CD163: variants seen among roughly 807,000 people sequenced by gnomAD.
CD163 encodes scavenger receptor cysteine-rich type 1 protein M130.
Under a neutral mutation model 129.2 loss-of-function variants are expected in CD163, and 64 were observed. The ratio of observed to expected loss-of-function variants is 0.50; its 90% CI spans 0.41 to 0.61. The LOEUF is 0.61. Ranked by LOEUF, CD163 falls within the 20% of genes least tolerant of loss-of-function variation. The probability of loss-of-function intolerance (pLI) is 0.00; values close to 1 mark genes in which losing one functional copy is unlikely to be tolerated. For synonymous variants in CD163, 446 were observed against 478.5 expected, an observed-to-expected ratio of 0.93 and a Z score of 0.89; for missense variants, 1,061 against 1,377.9, an observed-to-expected ratio of 0.77 and a Z score of 3.64.
Position 7,487,622 on chromosome 12 carries a change from A to G in CD163, c.1787T>C (p.Val596Ala), listed in dbSNP as rs1565402840. ...VNGKTPCEGR[V>A]ELKTLGAWGS... ...CCAGGCACCAAGCGTTTTGAGCTCCACTCTGCCCTCACACGGGGTCTTGCC... is the reference window on the plus strand; with the variant it reads ...CCAGGCACCAAGCGTTTTGAGCTCCGCTCTGCCCTCACACGGGGTCTTGCC... Residue 596 changes from valine (V) to alanine (A), a missense_variant, in exon 8 of 17, where the codon GTG becomes GCG. Physicochemically the swap from Val to Ala is moderately conservative, Grantham distance 64. Coordinates refer to ENST00000432237, the MANE Select transcript of CD163 (RefSeq NM_203416.4). The surrounding 1 kb of genome is among the most constrained non-coding windows in gnomAD (Gnocchi z 5.1). 6.2e-7 allele frequency: 1 copy of G among 1,613,728 alleles called. No homozygotes were observed. Among genetic ancestry groups the G allele is most frequent in the Non-Finnish European group, 8.5e-7 (1 of 1,179,946 alleles).
chr12:7,483,096 C>A (rs2136698433), intron 12 of CD163, 92 bp from the exon 13 acceptor site: 1 of 1,251,966 alleles, frequency 8.0e-7, no homozygotes, highest in South Asian at 1.3e-5. Context: ...TAGTACCTCT[C>A]AACCAAGTAT....
chr12:7,483,295 C>A, intron 12 of CD163, 72 bp downstream of exon 12: 1 of 1,430,878 alleles, frequency 7.0e-7, no homozygotes. Flanking sequence ...GGTTTTTACA[C>A]AACACACATC....
chr12:7,495,431 GATACA>G lies in CD163; in HGVS notation c.1100-35_1100-31del, dbSNP rs748931276. On this transcript the variant is annotated intron_variant, in intron 5 of 16. Coordinates refer to ENST00000432237, the MANE Select transcript of CD163 (RefSeq NM_203416.4). Reference sequence around the variant, plus strand: ...AAAAGAAACATAAACTTAAACCATCGATACATATGGAGGTTAGCTTCCAGAGGATT... The same window carrying G: ...AAAAGAAACATAAACTTAAACCATCGTATGGAGGTTAGCTTCCAGAGGATT... 5 of 1,595,826 alleles carry G rather than the reference GATACA, an allele frequency of 3.1e-6. No homozygotes were observed. In the East Asian group the frequency reaches 1.1e-4, roughly 36 times the overall value.
At chr12:7,482,127 A>G (rs553970198) in intron 14 of CD163, among the ~76,000 whole-genome samples, 1 of 152,304 alleles carries the variant, frequency 6.6e-6, no homozygotes, top group East Asian at 1.9e-4. Flanking sequence ...TTTATTGTCC[A>G]TGTCTGTATC....
At position 7,483,602 on chromosome 12, in the gene CD163, C is replaced by T; in HGVS notation, c.2853G>A (p.Gly951=). 6.2e-7 allele frequency: 1 copy of T among 1,613,100 alleles called. No individual in the cohort carries two copies. The highest frequency in any genetic ancestry group is 8.5e-7 in the Non-Finnish European group (1 of 1,179,754). The change falls in exon 12 of 17, where the codon GGG becomes GGA. Residue 951 remains glycine (G), a synonymous_variant. Coordinates refer to ENST00000432237, the MANE Select transcript of CD163 (RefSeq NM_203416.4). ...RVEIWHGGSW[G]TVCDDSWDLD... is the part of the protein sequence containing the mutation. The stretch of plus-strand genomic sequence containing the variant: ...AGTCCCAAGAGTCATCACACACTGT[C>T]CCCCAGGAACCTCCATGCCAGATCT...
chr12:7,498,842 T>C (rs765007083), intron 4 of CD163, 26 bp downstream of exon 4: 12 of 1,597,356 alleles, frequency 7.5e-6, no homozygotes, highest in East Asian at 2.2e-5. Flanking sequence ...TCCTGGAGAA[T>C]AGAATGAGCC....
At position 7,483,670 on chromosome 12, in the gene CD163, T is replaced by C. The variant is rs1949195754; in HGVS notation, c.2785A>G (p.Ile929Val). 4 of 1,603,922 alleles carry C rather than the reference T, an allele frequency of 2.5e-6. No individual in the cohort carries two copies. Among genetic ancestry groups the C allele is most frequent in the Non-Finnish European group, 3.4e-6 (4 of 1,173,628 alleles). ...EETWITCDNKIRLQEGPTSCS... is the reference protein window; with the variant it reads ...EETWITCDNKVRLQEGPTSCS... ...GAAGTGGGTCCTTCCTGAAGTCTTA[T>C]CTTGTCTGAAAAATCAGAGACATGT... Residue 929 changes from isoleucine to valine, a missense_variant, in exon 12 of 17, where the codon ATA becomes GTA. Ile to Val is a conservative substitution (Grantham distance 29). Coordinates refer to ENST00000432237, the MANE Select transcript of CD163 (RefSeq NM_203416.4).
chr12:7,490,557 A>G (rs1949313594), intron 6 of CD163, among the ~76,000 whole-genome samples: 1 of 152,026 alleles, frequency 6.6e-6, no homozygotes, highest in Non-Finnish European at 1.5e-5. Flanking sequence ...TAAGTCCTTT[A>G]TAGATACCTG....
rs1949272840 is a variant in CD163 at position 7,487,654 on chromosome 12, C to T, written c.1755G>A (p.Leu585=). Residue 585 remains leucine, a synonymous_variant, in exon 8 of 17, where the codon TTG becomes TTA. Transcript: ENST00000432237. The surrounding 1 kb of genome is among the most constrained non-coding windows in gnomAD (Gnocchi z 5.1). ...VVCSRYTEIR[L]VNGKTPCEGR... ...CCTCACACGGGGTCTTGCCATTCAC[C>T]AAGCGAATTTCTGTGTATCCTGGAA... is the stretch of plus-strand genomic sequence containing the variant. 6 of 1,614,140 alleles carry T rather than the reference C, an allele frequency of 3.7e-6. No homozygotes were observed. The highest frequency in any genetic ancestry group is 3.3e-4 in the Middle Eastern group (2 of 6,062).
At chr12:7,503,326 ACTCT>A (rs1338425705) in intron 1 of CD163, among the ~76,000 whole-genome samples, 1 of 152,168 alleles carries the variant, frequency 6.6e-6, no homozygotes, top group South Asian at 2.1e-4. Context: ...TATGTAATTA[ACTCT>A]CTATCAATAT....
Position 7,501,392 on chromosome 12 carries a change from G to C in CD163, c.204C>G (p.Val68=). ...TACACACCGTTCCCCACTCCTCCTG[G>C]ACTTTCACTTCCACTCTCCCGCTAC... ...NKCSGRVEVK[V]QEEWGTVCNN... is the part of the protein sequence containing the mutation. Residue 68 remains valine, a synonymous_variant, in exon 3 of 17, where the codon GTC becomes GTG. Transcript: ENST00000432237. 1 of 1,613,872 alleles carries C rather than the reference G, an allele frequency of 6.2e-7. No individual in the cohort carries two copies. The highest frequency in any genetic ancestry group is 8.5e-7 in the Non-Finnish European group (1 of 1,179,950).
chr12:7,493,632 A>T (rs186485351), intron 6 of CD163, among the ~76,000 whole-genome samples: 26 of 152,326 alleles, frequency 1.7e-4, no homozygotes, highest in African/African-American at 5.3e-4. Context: ...ACAAACCATT[A>T]TAAATTTAGA....
At chr12:7,491,896 G>A (rs1450827301) in intron 6 of CD163, among the ~76,000 whole-genome samples, 2 of 152,016 alleles carry the variant, frequency 1.3e-5, no homozygotes, top group African/African-American at 4.8e-5. Context: ...ACCTTTTTCT[G>A]TCAACAATTT....
Position 7,503,692 on chromosome 12 carries a change from C to T in CD163, c.-2G>A, listed in dbSNP as rs1272724624. On this transcript the variant is annotated 5_prime_UTR_variant, in exon 1 of 17. Coordinates refer to ENST00000432237, the MANE Select transcript of CD163 (RefSeq NM_203416.4). ...TAGCACCATTCTGAGTTTGCTCATT[C>T]CAAAGATTTATAACTTCAATGATTC... The T allele has an allele frequency of 1.3e-6, 2 of 1,584,564 alleles. No homozygotes were observed. The highest frequency in any genetic ancestry group is 3.4e-5 in the Admixed American group (2 of 58,466).
In CD163 at chr12:7,482,781, C is replaced by A. The variant is rs765891958; in HGVS notation, c.3128-19G>T. On this transcript the variant is annotated intron_variant, in intron 13 of 16. Transcript: ENST00000432237. Reference sequence around the variant, plus strand: ...GAGCGACCTAAGTAAAAGTAAATATCAAGAGATATGATCATGTCTTATCGA... The same window carrying A: ...GAGCGACCTAAGTAAAAGTAAATATAAAGAGATATGATCATGTCTTATCGA... 2.3e-5 allele frequency: 37 copies of A among 1,613,382 alleles called. No individual in the cohort carries two copies. The highest frequency in any genetic ancestry group is 3.0e-5 in the Non-Finnish European group (35 of 1,179,736).
intron 5 of CD163, among the ~76,000 whole-genome samples, chr12:7,495,624 C>A (rs1237406425): frequency 1.3e-5 from 2 of 152,048 alleles, no homozygotes; most frequent in African/African-American, 4.8e-5. Flanking sequence ...AAGATATGAG[C>A]AATTCAGCTT....
At chr12:7,488,560 T>C (rs1326099554) in intron 6 of CD163, among the ~76,000 whole-genome samples, 1 of 152,214 alleles carries the variant, frequency 6.6e-6, no homozygotes, top group Non-Finnish European at 1.5e-5. Context: ...TTTTGACGTC[T>C]GTTACGTTTG....
In CD163 at chr12:7,487,211, G is replaced by C; in HGVS notation, c.2050+148C>G. 1 of 1,033,602 alleles carries C rather than the reference G, an allele frequency of 9.7e-7. No homozygotes were observed. The highest frequency in any genetic ancestry group is 1.6e-5 in the African/African-American group (1 of 61,940). The allele number at this position is 1,033,602 out of a possible 1,614,324, so 64.0% of individuals were successfully genotyped here. ...ATTAGGTTTGCTCACCCTCTGAAAAGACAAATGAGGTTAATATTCTGAAGC... is the reference window on the plus strand; with the variant it reads ...ATTAGGTTTGCTCACCCTCTGAAAACACAAATGAGGTTAATATTCTGAAGC... On this transcript the variant is annotated intron_variant, in intron 8 of 16. Coordinates refer to ENST00000432237, the MANE Select transcript of CD163 (RefSeq NM_203416.4). The surrounding 1 kb of genome is among the most constrained non-coding windows in gnomAD (Gnocchi z 5.1).
At chr12:7,502,304 T>G (rs1949501825) in intron 2 of CD163, among the ~76,000 whole-genome samples, 174 bp downstream of exon 2, 1 of 152,240 alleles carries the variant, frequency 6.6e-6, no homozygotes, top group Admixed American at 6.5e-5. Flanking sequence ...GGAACCATGC[T>G]AATATTTTGG....
Sources: gnomAD v4.1 joint callset for allele counts (sites outside exome capture counted in the v4.1 genomes callset) on GRCh38, gnomAD v4.1.1 for gene constraint, Gnocchi (gnomAD v3.1) non-coding constraint, MANE v1.5 for transcripts, NCBI Gene and HGNC (gene_info 2026-07-23, HGNC 2026-07-21) for gene names.